UST: variants seen among roughly 807,000 people sequenced by gnomAD.
UST encodes the protein chondroitin sulfate 2-O-sulfotransferase.
UST carries 21 observed loss-of-function variants against 45.6 expected under a neutral mutation model. The ratio of observed to expected loss-of-function variants is 0.46; its 90% CI spans 0.33 to 0.66. The LOEUF is 0.66. UST is among the 30% of genes least tolerant of loss of function. The probability of loss-of-function intolerance (pLI) is 0.02; values close to 1 mark genes in which losing one functional copy is unlikely to be tolerated. For synonymous variants in UST, 215 were observed against 200.6 expected, an observed-to-expected ratio of 1.07 and a Z score of -0.61; for missense variants, 463 against 512.4, an observed-to-expected ratio of 0.90 and a Z score of 0.93.
At chr6:148,826,908 C>G (rs1777578051) in intron 1 of UST, among the ~76,000 whole-genome samples, 1 of 152,196 alleles carries the variant, frequency 6.6e-6, no homozygotes, top group African/African-American at 2.4e-5. Context: ...ATCATCACAG[C>G]TCAGTCCCTG....
intron 3 of UST, among the ~76,000 whole-genome samples, chr6:148,950,240 A>G: frequency 6.6e-6 from 1 of 152,092 alleles, no homozygotes; most frequent in Non-Finnish European, 1.5e-5. Context: ...GGATCCTGAG[A>G]ATTTGCATTT....
intron 7 of UST, among the ~76,000 whole-genome samples, chr6:149,045,121 A>G (rs1051923883): frequency 1.3e-5 from 2 of 152,182 alleles, no homozygotes; most frequent in African/African-American, 4.8e-5. Flanking sequence ...GGCATTCTGA[A>G]GTTAAGTCCC....
intron 1 of UST, among the ~76,000 whole-genome samples, chr6:148,875,384 G>A (rs896436277): frequency 4.6e-5 from 7 of 152,132 alleles, no homozygotes; most frequent in Non-Finnish European, 1.0e-4. Context: ...TATCAAGACA[G>A]TATTGGAAAG....
At chr6:148,917,884 C>T (rs904129328) in intron 2 of UST, among the ~76,000 whole-genome samples, 2 of 152,158 alleles carry the variant, frequency 1.3e-5, no homozygotes, top group East Asian at 3.9e-4. Flanking sequence ...CCAGGTAGAC[C>T]GTGGAACTCA....
chr6:149,021,188 C>G (rs1451371017), intron 6 of UST, 136 bp from the exon 7 acceptor site: 2 of 946,096 alleles, frequency 2.1e-6, no homozygotes, highest in Non-Finnish European at 3.1e-6. Flanking sequence ...GGGGCTACAT[C>G]TGGGCTGGTC....
In UST at chr6:149,074,006, C is replaced by G. The variant is rs1582987773; in HGVS notation, c.1111C>G (p.Pro371Ala). The G allele has an allele frequency of 6.2e-7, 1 of 1,613,994 alleles. No homozygotes were observed. Among genetic ancestry groups the G allele is most frequent in the Admixed American group, 1.7e-5 (1 of 59,996 alleles). ...TGGACTTAAGTCTCACGTCAGCAAG[C>G]CCCCCCTGAGGCCACACTTCTTTAT... ...KFGLKSHVSK[P>A]PLRPHFFIPT... The change falls in exon 8 of 8, where the codon CCC becomes GCC. Residue 371 changes from proline to alanine, a missense_variant. Pro to Ala is a conservative substitution (Grantham distance 27). This residue lies in a region of UST where 287 missense variants were observed against 374.2 expected (regional missense o/e 0.77). Transcript: ENST00000367463.
chr6:149,027,843 CTT>C (rs35563578), intron 7 of UST: 2,636 of 131,588 alleles, frequency 0.02, 69 homozygotes, highest in South Asian at 0.094. Context: ...ATCCCCCCAT[CTT>C]TTTTTTTTTT....
In UST at chr6:148,747,230, C is replaced by T; in HGVS notation, c.-201C>T. The T allele has an allele frequency of 1.4e-5, 7 of 510,266 alleles. No homozygotes were observed. The highest frequency in any genetic ancestry group is 2.1e-5 in the Non-Finnish European group (7 of 336,740). 31.6% of individuals were successfully genotyped at this position (510,266 alleles called of 1,614,324 possible). On this transcript the variant is annotated 5_prime_UTR_variant, in exon 1 of 8. Coordinates refer to ENST00000367463, the MANE Select transcript of UST (RefSeq NM_005715.3). ...CGCCCCGAACCGGGGCCGGACACCT[C>T]GGCCGCTCGGGCCGCGGCGGCGGGG...
intron 5 of UST, among the ~76,000 whole-genome samples, chr6:149,009,363 A>C (rs1775766777): frequency 6.6e-6 from 1 of 152,166 alleles, no homozygotes; most frequent in Non-Finnish European, 1.5e-5. Flanking sequence ...AGAATGCAGA[A>C]AATGAAGGAG....
chr6:149,055,429 A>G (rs1421834546), intron 7 of UST, among the ~76,000 whole-genome samples: 1 of 152,206 alleles, frequency 6.6e-6, no homozygotes, highest in African/African-American at 2.4e-5. Flanking sequence ...GGAATGGGTT[A>G]CAGCTTTTCC....
chr6:149,012,704 C>A (rs1414951910), intron 5 of UST, among the ~76,000 whole-genome samples: 1 of 151,438 alleles, frequency 6.6e-6, no homozygotes, highest in Non-Finnish European at 1.5e-5. Flanking sequence ...GTTTGTGTTT[C>A]CATTAAATTG....
chr6:148,860,668 C>A (rs1194720742), intron 1 of UST, among the ~76,000 whole-genome samples: 2 of 152,062 alleles, frequency 1.3e-5, no homozygotes, highest in Non-Finnish European at 2.9e-5. Flanking sequence ...CAGATATGTT[C>A]CATCAATACC....
At chr6:148,760,541 T>C (rs954164946) in intron 1 of UST, among the ~76,000 whole-genome samples, 1 of 152,212 alleles carries the variant, frequency 6.6e-6, no homozygotes, top group Non-Finnish European at 1.5e-5. Context: ...ATGACTATTA[T>C]GTCTACCCTG....
chr6:148,991,438 G>A (rs977461408), intron 5 of UST, among the ~76,000 whole-genome samples: 3 of 151,532 alleles, frequency 2.0e-5, no homozygotes, highest in Non-Finnish European at 4.4e-5. Flanking sequence ...GTATACATGT[G>A]CCATGTTGGT....
intron 1 of UST, among the ~76,000 whole-genome samples, chr6:148,802,115 A>G (rs1051603307): frequency 1.3e-5 from 2 of 152,210 alleles, no homozygotes; most frequent in African/African-American, 4.8e-5. Flanking sequence ...CCAAGTCCCC[A>G]TGCGGGGCAA....
intron 1 of UST, among the ~76,000 whole-genome samples, chr6:148,797,831 A>G (rs1776981912): frequency 6.6e-6 from 1 of 152,206 alleles, no homozygotes; most frequent in South Asian, 2.1e-4. Context: ...ACCATTCAAC[A>G]TGTCTAGAGC....
Position 149,037,471 on chromosome 6 carries a change from G to T in UST, c.937+15990G>T, listed in dbSNP as rs919072023. Among the ~76,000 whole-genome samples, 4 of 152,228 alleles carry T rather than the reference G, an allele frequency of 2.6e-5. No homozygotes were observed. The South Asian group carries it at 6.2e-4, about 24-fold the overall frequency. ...AAAGAAAACACGGAGGCCCAGGTGT[G>T]GGGGAGGGGGTTTTCCCCAGCCAGG... On this transcript the variant is annotated intron_variant, in intron 7 of 7. Coordinates refer to ENST00000367463, the MANE Select transcript of UST (RefSeq NM_005715.3).
chr6:148,863,482 G>T (rs1377272774), intron 1 of UST, among the ~76,000 whole-genome samples: 1 of 152,094 alleles, frequency 6.6e-6, no homozygotes, highest in African/African-American at 2.4e-5. Context: ...ATTACTGATT[G>T]TCTGAAGCCT....
chr6:148,827,522 A>T (rs1012756850), intron 1 of UST, among the ~76,000 whole-genome samples: 6 of 152,032 alleles, frequency 3.9e-5, no homozygotes, highest in African/African-American at 1.2e-4. Context: ...AGGCTGAGGC[A>T]GGAGAATTGC....
Sources: allele counts gnomAD v4.1 joint callset (sites outside exome capture counted in the v4.1 genomes callset), GRCh38; gene constraint gnomAD v4.1.1; regional missense constraint gnomAD v4.1.1; transcripts MANE v1.5; gene names NCBI Gene and HGNC (gene_info 2026-07-23, HGNC 2026-07-21).